NINL: variants seen among roughly 807,000 people sequenced by gnomAD.
The protein encoded by NINL is ninein like.
In NINL, 153 loss-of-function variants were observed where a neutral mutation model predicts 160.3. The ratio of observed to expected loss-of-function variants is 0.95; its 90% CI spans 0.84 to 1.09. The LOEUF (loss-of-function observed/expected upper bound fraction) is 1.09. NINL is among the 50% of genes least tolerant of loss of function. The pLI is 0.00. For synonymous variants in NINL, 800 were observed against 734.8 expected (o/e 1.09, Z -1.43); for missense variants, 1,829 against 1,764.0 (o/e 1.04, Z -0.66).
At chr20:25,584,255 G>A (rs2065203980) in intron 1 of NINL, among the ~76,000 whole-genome samples, 1 of 152,182 alleles carries the variant, frequency 6.6e-6, no homozygotes, top group Non-Finnish European at 1.5e-5. Flanking sequence ...TGGATCACCT[G>A]AAGGTCAGAA....
intron 1 of NINL, among the ~76,000 whole-genome samples, chr20:25,547,923 A>G (rs2064755663): frequency 6.6e-6 from 1 of 152,228 alleles, no homozygotes; most frequent in Non-Finnish European, 1.5e-5. Flanking sequence ...TGCATTTCCC[A>G]AAAGAAGATT....
At position 25,539,854 on chromosome 20, in the gene NINL, C is replaced by A. The variant is rs530057907; in HGVS notation, c.-11-13256G>T. Among the ~76,000 whole-genome samples, 15 of 152,356 alleles carry A rather than the reference C, an allele frequency of 9.8e-5. 1 individual carries two copies. In the South Asian group the frequency reaches 2.9e-3, roughly 29 times the overall value. On this transcript the variant is annotated intron_variant, in intron 1 of 23. Transcript: ENST00000278886. ...TCTCTATCATCCTTCCACAGACCCA[C>A]GGGGCGGAGGAAAGAAACGGAGCTT...
Position 25,476,517 on chromosome 20 carries a change from G to T in NINL, c.2774C>A (p.Pro925His). 6.2e-7 allele frequency: 1 copy of T among 1,601,900 alleles called. No homozygotes were observed. Among genetic ancestry groups the T allele is most frequent in the Non-Finnish European group, 8.5e-7 (1 of 1,179,838 alleles). The part of the protein sequence containing the change: ...DGDIVPKEPE[P>H]FGASAAGLEQ... ...CAGCCCCGCTGCGCTCGCGCCGAAA[G>T]GCTCTGGCTCCTTTGGGACAATATC... is the stretch of plus-strand genomic sequence containing the variant. Residue 925 changes from proline (P) to histidine (H), a missense_variant, in exon 17 of 24, where the codon CCT becomes CAT. Pro to His is a moderately conservative substitution (Grantham distance 77). Coordinates refer to ENST00000278886, the MANE Select transcript of NINL (RefSeq NM_025176.6).
rs915422884 is a variant in NINL at position 25,481,650 on chromosome 20, C to T, written c.1810+318G>A. On this transcript the variant is annotated intron_variant, in intron 14 of 23. Transcript: ENST00000278886. ...TACTGGGAGGCCCCAATGCATTCTC[C>T]GGGATTTAGCTCTTCTCAGTCTCAG... Among the ~76,000 whole-genome samples, 6 of 152,174 alleles carry T rather than the reference C, an allele frequency of 3.9e-5. No individual in the cohort carries two copies. In the East Asian group the frequency reaches 5.8e-4, roughly 15 times the overall value.
At chr20:25,556,376 C>T (rs1255720680) in intron 1 of NINL, among the ~76,000 whole-genome samples, 7 of 152,206 alleles carry the variant, frequency 4.6e-5, no homozygotes, top group Admixed American at 3.9e-4. Context: ...GTAATCCCAG[C>T]ACTTTGTGAA....
rs369074425 is a variant in NINL, at chr20:25,514,988, T to C, written c.278-1982A>G. On this transcript the variant is annotated intron_variant, in intron 3 of 23. Transcript: ENST00000278886. ...TCATGGAGAACCTCTATTAGGGCTG[T>C]GTAGAGGGGAAATATGGGGTTGGGG... 2.3e-4 allele frequency among the ~76,000 whole-genome samples: 35 copies of C among 152,298 alleles called. No individual in the cohort carries two copies. In the South Asian group the frequency reaches 7.3e-3, roughly 32 times the overall value.
chr20:25,475,539 T>C (rs1326903671), intron 17 of NINL, among the ~76,000 whole-genome samples: 1 of 152,218 alleles, frequency 6.6e-6, no homozygotes, highest in Non-Finnish European at 1.5e-5. Flanking sequence ...TATTGTTTAA[T>C]GGGTATACAG....
chr20:25,526,370 C>T (rs186634463), intron 2 of NINL, 38 bp downstream of exon 2: 2 of 1,568,604 alleles, frequency 1.3e-6, no homozygotes, highest in East Asian at 2.3e-5. Flanking sequence ...ACTATAGACC[C>T]CGTGCTTTCC....
intron 1 of NINL, among the ~76,000 whole-genome samples, chr20:25,529,273 T>C (rs2064410193): frequency 6.6e-6 from 1 of 151,838 alleles, no homozygotes; most frequent in Non-Finnish European, 1.5e-5. Flanking sequence ...ATCTTGTCTC[T>C]TAAAAAAAAA....
intron 1 of NINL, among the ~76,000 whole-genome samples, chr20:25,540,769 G>A (rs540969985): frequency 6.6e-6 from 1 of 152,172 alleles, no homozygotes; most frequent in Non-Finnish European, 1.5e-5. Flanking sequence ...CAATGGCCTT[G>A]CCAGCAGGAA....
At chr20:25,536,697 C>T (rs182649719) in intron 1 of NINL, among the ~76,000 whole-genome samples, 9 of 150,348 alleles carry the variant, frequency 6.0e-5, no homozygotes, top group African/African-American at 9.8e-5. Flanking sequence ...CCAGCCTGGG[C>T]GATAGAGTAA....
intron 1 of NINL, among the ~76,000 whole-genome samples, chr20:25,579,270 C>T (rs2065148133): frequency 6.6e-6 from 1 of 152,120 alleles, no homozygotes; most frequent in Non-Finnish European, 1.5e-5. Context: ...CCTCTCTGAC[C>T]CTCGCACTCT....
In NINL at chr20:25,475,995, CATTTTTAGTTTGAA is replaced by C. The variant is rs746561862; in HGVS notation, c.3248+34_3248+47del. On this transcript the variant is annotated intron_variant, in intron 17 of 23. Transcript: ENST00000278886. The stretch of plus-strand genomic sequence containing the variant: ...AACAGGGGTCAGTGGGTTAGTTCTG[CATTTTTAGTTTGAA>C]GTGTTTAGTTTTAAGAATGAGTAGA... 12 of 1,569,410 alleles carry C rather than the reference CATTTTTAGTTTGAA, an allele frequency of 7.6e-6. No individual in the cohort carries two copies. In the East Asian group the frequency reaches 2.2e-4, roughly 29 times the overall value.
chr20:25,473,827 C>T (rs1216033153), intron 17 of NINL, among the ~76,000 whole-genome samples: 3 of 152,014 alleles, frequency 2.0e-5, no homozygotes. Flanking sequence ...GAGGTTGTAC[C>T]ACTGCACTCC....
intron 1 of NINL, among the ~76,000 whole-genome samples, chr20:25,571,315 CCT>C (rs2065052564): frequency 6.6e-6 from 1 of 152,222 alleles, no homozygotes; most frequent in African/African-American, 2.4e-5. Context: ...GGTTTCCCTC[CCT>C]GTCTCACCAG....
chr20:25,499,222 G>T (rs1280541101), intron 8 of NINL: 4 of 985,360 alleles, frequency 4.1e-6, no homozygotes, highest in Middle Eastern at 5.2e-4. Flanking sequence ...CGCCTGGAAA[G>T]CTGTCCCTAC....
intron 19 of NINL, among the ~76,000 whole-genome samples, chr20:25,464,717 G>A (rs1180897429): frequency 3.9e-5 from 6 of 152,130 alleles, no homozygotes; most frequent in Admixed American, 1.3e-4. Flanking sequence ...TTTTGTCAAC[G>A]AGCCTGGCAG....
chr20:25,490,770 G>A (rs1476390510), intron 11 of NINL, among the ~76,000 whole-genome samples: 1 of 152,110 alleles, frequency 6.6e-6, no homozygotes, highest in African/African-American at 2.4e-5. Context: ...CTGTTGGGGG[G>A]CTCAGGCTGC....
chr20:25,544,301 G>A (rs1451313072), intron 1 of NINL, among the ~76,000 whole-genome samples: 2 of 152,108 alleles, frequency 1.3e-5, no homozygotes, highest in African/African-American at 4.8e-5. Context: ...CAGGACTGAT[G>A]GGCCCACAGA....
Sources: gnomAD v4.1 joint callset for allele counts (sites outside exome capture counted in the v4.1 genomes callset) on GRCh38, gnomAD v4.1.1 for gene constraint, MANE v1.5 for transcripts, NCBI Gene and HGNC (gene_info 2026-07-23, HGNC 2026-07-21) for gene names.